EIF3H: variants seen among roughly 807,000 people sequenced by gnomAD.
EIF3H encodes eukaryotic translation initiation factor 3 subunit H.
EIF3H carries 26 observed loss-of-function variants against 44.2 expected under a neutral mutation model. The ratio of observed to expected loss-of-function variants is 0.59; its 90% CI spans 0.43 to 0.82. The LOEUF is 0.82. Among genes scored for constraint, EIF3H ranks in the 40% least tolerant of loss-of-function variants. The pLI is 0.00. For synonymous variants in EIF3H, 166 were observed against 151.9 expected (o/e 1.09, Z -0.68); for missense variants, 359 against 432.8 (o/e 0.83, Z 1.51).
intron 2 of EIF3H, among the ~76,000 whole-genome samples, chr8:116,696,482 A>ATGGT (rs1388744067): frequency 6.6e-6 from 1 of 152,224 alleles, no homozygotes; most frequent in African/African-American, 2.4e-5. Flanking sequence ...ATACTTGGGA[A>ATGGT]TGGTTCTTTC....
chr8:116,697,077 G>A (rs1431630586), intron 2 of EIF3H: 2 of 456,244 alleles, frequency 4.4e-6, no homozygotes, highest in Non-Finnish European at 8.8e-6. Flanking sequence ...TCTCTCTCCT[G>A]AGAGGCCTCC....
At chr8:116,755,631 C>G (rs1313118003) in intron 1 of EIF3H, 35 bp downstream of exon 1, 4 of 1,612,638 alleles carry the variant, frequency 2.5e-6, no homozygotes, top group African/African-American at 2.7e-5. Context: ...AACTGCGCTC[C>G]CCACGTGGGC....
At chr8:116,739,491 A>G (rs537091458) in intron 1 of EIF3H, among the ~76,000 whole-genome samples, 1 of 152,294 alleles carries the variant, frequency 6.6e-6, no homozygotes, top group South Asian at 2.1e-4. Flanking sequence ...TCTACTAAAC[A>G]TACAAAAAAT....
intron 5 of EIF3H, 23 bp downstream of exon 5, chr8:116,655,831 CTT>C: frequency 6.2e-7 from 1 of 1,608,848 alleles, no homozygotes; most frequent in African/African-American, 1.3e-5. Context: ...AAAACATGGG[CTT>C]TTCATTAGGC....
At chr8:116,750,805 C>T (rs1815324131) in intron 1 of EIF3H, among the ~76,000 whole-genome samples, 1 of 152,160 alleles carries the variant, frequency 6.6e-6, no homozygotes, top group Admixed American at 6.5e-5. Flanking sequence ...TAAACCTGAA[C>T]ATAAATGCAA....
intron 2 of EIF3H, among the ~76,000 whole-genome samples, chr8:116,701,518 G>A (rs1321015709): frequency 6.6e-6 from 1 of 152,054 alleles, no homozygotes. Context: ...GTAGGGGAAG[G>A]AATAAAAAGT....
Position 116,730,619 on chromosome 8 carries a change from T to C in EIF3H, c.133-4447A>G, listed in dbSNP as rs1029595393. ...GATAACCAAGAATTTGCCATGTATA[T>C]ATATTTCAAAGTTTCATAGATTCGA... On this transcript the variant is annotated intron_variant, in intron 1 of 7. Transcript: ENST00000521861. Among the ~76,000 whole-genome samples the C allele has an allele frequency of 6.6e-5, 10 of 152,368 alleles. 1 individual carries two copies. The highest frequency in any genetic ancestry group is 5.2e-4 in the Admixed American group (8 of 15,308).
At chr8:116,724,935 T>G (rs1024444631) in intron 2 of EIF3H, among the ~76,000 whole-genome samples, 1 of 152,100 alleles carries the variant, frequency 6.6e-6, no homozygotes, top group Non-Finnish European at 1.5e-5. Context: ...TGGGTACATA[T>G]CCAAAAGAAA....
In EIF3H at chr8:116,643,171, G is replaced by A. The variant is rs1457536668; in HGVS notation, c.*1835C>T. ...GAGCATATACTCCACAAGGGCAGGG[G>A]CCATGGCCAGTTTTACCTGTTAATA... On this transcript the variant is annotated 3_prime_UTR_variant, in exon 8 of 8. Transcript: ENST00000521861. 6.6e-6 allele frequency: 1 copy of A among 152,210 alleles called. No individual in the cohort carries two copies. The highest frequency in any genetic ancestry group is 1.5e-5 in the Non-Finnish European group (1 of 68,040). The allele number at this position is 152,210 out of a possible 1,614,324, so 9.4% of individuals were successfully genotyped here.
intron 2 of EIF3H, among the ~76,000 whole-genome samples, chr8:116,680,836 T>A (rs1038454113): frequency 2.2e-5 from 1 of 45,956 alleles, no homozygotes; most frequent in Non-Finnish European, 5.2e-5. Context: ...AAAAAAATAA[T>A]AATAAATAAA....
At chr8:116,690,390 A>C (rs1002210230) in intron 2 of EIF3H, among the ~76,000 whole-genome samples, 10 of 146,110 alleles carry the variant, frequency 6.8e-5, no homozygotes, top group African/African-American at 1.5e-4. Context: ...AAAAAAAAAA[A>C]CCCATAAAGT....
intron 2 of EIF3H, 103 bp downstream of exon 2, chr8:116,725,913 C>A: frequency 7.3e-7 from 1 of 1,370,886 alleles, no homozygotes. Context: ...GTAGGCTAGC[C>A]TGACAGATTC....
At chr8:116,675,427 T>C (rs1490740608) in intron 2 of EIF3H, among the ~76,000 whole-genome samples, 2 of 152,170 alleles carry the variant, frequency 1.3e-5, no homozygotes, top group African/African-American at 4.8e-5. Flanking sequence ...TCCTGTGCAT[T>C]GTAAGATGTT....
chr8:116,654,619 A>G (rs1813457508), intron 5 of EIF3H, among the ~76,000 whole-genome samples: 2 of 152,216 alleles, frequency 1.3e-5, no homozygotes, highest in South Asian at 2.1e-4. Context: ...AAAACAGACA[A>G]ATTAAAGGAC....
In EIF3H at chr8:116,694,482, A is replaced by G. The variant is rs1814233521; in HGVS notation, c.289+31534T>C. 3.3e-5 allele frequency among the ~76,000 whole-genome samples: 5 copies of G among 152,316 alleles called. No homozygotes were observed. In the South Asian group the frequency reaches 1.0e-3, roughly 32 times the overall value. On this transcript the variant is annotated intron_variant, in intron 2 of 7. Transcript: ENST00000521861. ...TTTTCCTTCTCAATTTGATTAGTAA[A>G]AAAATCATTCATATATTAAAAATTT...
intron 2 of EIF3H, among the ~76,000 whole-genome samples, chr8:116,710,277 A>C (rs903377458): frequency 6.6e-6 from 1 of 152,206 alleles, no homozygotes; most frequent in Non-Finnish European, 1.5e-5. Context: ...TGATTTCCTA[A>C]GTCAAATTAA....
intron 1 of EIF3H, among the ~76,000 whole-genome samples, chr8:116,753,136 C>G (rs1210903636): frequency 6.6e-6 from 1 of 151,952 alleles, no homozygotes; most frequent in Non-Finnish European, 1.5e-5. Context: ...ATAAAAGAAC[C>G]TTGCAACTGC....
chr8:116,751,379 A>G (rs915648599), intron 1 of EIF3H, among the ~76,000 whole-genome samples: 8 of 152,234 alleles, frequency 5.3e-5, no homozygotes, highest in Admixed American at 2.0e-4. Flanking sequence ...TACTTTGTGA[A>G]TTAACAGGTT....
chr8:116,737,291 G>C (rs886110591), intron 1 of EIF3H: 1 of 431,166 alleles, frequency 2.3e-6, no homozygotes, highest in African/African-American at 2.4e-5. Flanking sequence ...CATTTCCCTG[G>C]GGAAGAAAAA....
Sources: gnomAD v4.1 joint callset for allele counts (sites outside exome capture counted in the v4.1 genomes callset) on GRCh38, gnomAD v4.1.1 for gene constraint, MANE v1.5 for transcripts, NCBI Gene and HGNC (gene_info 2026-07-23, HGNC 2026-07-21) for gene names.